The following GTF2IRD1 variants were observed in gnomAD, a reference collection of about 807,000 sequenced individuals.
The protein encoded by GTF2IRD1 is GTF2I repeat domain containing 1.
Under a neutral mutation model 113.2 loss-of-function variants are expected in GTF2IRD1, and 26 were observed. That is an observed-to-expected ratio of 0.23 (90% CI 0.17 to 0.32). GTF2IRD1 has a LOEUF of 0.32. GTF2IRD1 is among the 10% of genes least tolerant of loss of function. The pLI is 1.00. For synonymous variants in GTF2IRD1, 484 were observed against 529.1 expected (o/e 0.91, Z 1.17); for missense variants, 864 against 1,280.8 (o/e 0.67, Z 4.97).
At chr7:74,537,121 A>G (rs1245775724) in intron 11 of GTF2IRD1, among the ~76,000 whole-genome samples, 1 of 151,044 alleles carries the variant, frequency 6.6e-6, no homozygotes, top group African/African-American at 2.4e-5. Flanking sequence ...CAAAAATACA[A>G]ACATGCAGCT....
rs548581813 is a variant in GTF2IRD1, at chr7:74,486,597, C to T, written c.-6-21478C>T. Among the ~76,000 whole-genome samples, 4 of 152,170 alleles carry T rather than the reference C, an allele frequency of 2.6e-5. No homozygotes were observed. In the East Asian group the frequency reaches 7.7e-4, roughly 29 times the overall value. On this transcript the variant is annotated intron_variant, in intron 1 of 26. Coordinates refer to ENST00000424337, the MANE Select transcript of GTF2IRD1 (RefSeq NM_005685.4). ...ATGGGAGGATTTTGTGTTGTGGCCC[C>T]TACAGAAGAGGAGAGCAAGGGAGAA...
intron 3 of GTF2IRD1, among the ~76,000 whole-genome samples, chr7:74,513,237 G>T (rs1796736979): frequency 6.6e-6 from 1 of 152,224 alleles, no homozygotes; most frequent in East Asian, 1.9e-4. Flanking sequence ...GGCCAAGGCT[G>T]CTGCTCAGTT....
intron 1 of GTF2IRD1, among the ~76,000 whole-genome samples, chr7:74,462,707 C>T (rs1235914767): frequency 2.0e-5 from 3 of 152,220 alleles, no homozygotes; most frequent in Non-Finnish European, 4.4e-5. Context: ...GCCTGCACCC[C>T]ATCACTACCC....
Position 74,470,547 on chromosome 7 carries a change from A to G in GTF2IRD1, c.-7+16371A>G, listed in dbSNP as rs143075050. On this transcript the variant is annotated intron_variant, in intron 1 of 26. Coordinates refer to ENST00000424337, the MANE Select transcript of GTF2IRD1 (RefSeq NM_005685.4). ...ACTAGGTATTTACCTATGAGAAATG[A>G]AAGCTCAAATTCACATAAAAACCTA... 7.7e-3 allele frequency among the ~76,000 whole-genome samples: 1,172 copies of G among 152,302 alleles called. 13 individuals carry two copies. The highest frequency in any genetic ancestry group is 0.026 in the African/African-American group (1,086 of 41,548).
intron 1 of GTF2IRD1, among the ~76,000 whole-genome samples, chr7:74,457,643 C>T (rs1793073118): frequency 1.3e-5 from 2 of 152,138 alleles, no homozygotes; most frequent in South Asian, 4.1e-4. Context: ...ATGTCATCCT[C>T]TCTGTATCTC....
intron 22 of GTF2IRD1, among the ~76,000 whole-genome samples, chr7:74,585,110 GTTTTT>G (rs781982819): frequency 8.2e-6 from 1 of 121,960 alleles, no homozygotes. Context: ...CCTGTTTGGT[GTTTTT>G]TTTTTTTTTT....
intron 9 of GTF2IRD1, among the ~76,000 whole-genome samples, chr7:74,533,720 G>A (rs1554349513): frequency 6.6e-6 from 1 of 152,030 alleles, no homozygotes; most frequent in African/African-American, 2.4e-5. Context: ...GGGCCCCCTT[G>A]ATTTCTAAGA....
chr7:74,529,495 A>T (rs1250502420), intron 8 of GTF2IRD1, among the ~76,000 whole-genome samples: 1 of 152,124 alleles, frequency 6.6e-6, no homozygotes, highest in Non-Finnish European at 1.5e-5. Flanking sequence ...GGCTCAAGCC[A>T]TCTGTCCACC....
intron 25 of GTF2IRD1, among the ~76,000 whole-genome samples, chr7:74,595,305 C>T (rs1367700783): frequency 6.6e-6 from 1 of 151,432 alleles, no homozygotes; most frequent in East Asian, 1.9e-4. Flanking sequence ...ACTCAGGGGA[C>T]TGAGGCAGGA....
rs587603602 is a variant in GTF2IRD1 at position 74,524,939 on chromosome 7, A to T, written c.1090+785A>T. 1.4e-4 allele frequency among the ~76,000 whole-genome samples: 22 copies of T among 152,276 alleles called. No individual in the cohort carries two copies. In the South Asian group the frequency reaches 4.6e-3, roughly 32 times the overall value. On this transcript the variant is annotated intron_variant, in intron 8 of 26. Transcript: ENST00000424337. Reference sequence around the variant, plus strand: ...TGTGGTCTTAGCTACTTGCAGGCTGAGGTGGGAGGATTGCTTGAGTCCAGA... The same window carrying T: ...TGTGGTCTTAGCTACTTGCAGGCTGTGGTGGGAGGATTGCTTGAGTCCAGA...
rs11337115 is a variant in GTF2IRD1, at chr7:74,469,084, C to CA, written c.-7+14922dup. ...TGGACGACAGAGCGAGACTCCATCT[C>CA]AAAAAAAAAAAAAATATGGAAGGTA... On this transcript the variant is annotated intron_variant, in intron 1 of 26. Coordinates refer to ENST00000424337, the MANE Select transcript of GTF2IRD1 (RefSeq NM_005685.4). Among the ~76,000 whole-genome samples, 23 of 140,576 alleles carry CA rather than the reference C, an allele frequency of 1.6e-4. No homozygotes were observed. In the East Asian group the frequency reaches 1.9e-3, roughly 11 times the overall value. The allele number at this position is 140,576 out of a possible 152,430, so 92.2% of individuals were successfully genotyped here. A position where few individuals can be genotyped will look rare whatever the true frequency, so the allele number is the denominator to read the frequency against.
At position 74,538,802 on chromosome 7, in the gene GTF2IRD1, C is replaced by A. The variant is rs782575274; in HGVS notation, c.1528+42C>A. On this transcript the variant is annotated intron_variant, in intron 13 of 26. Coordinates refer to ENST00000424337, the MANE Select transcript of GTF2IRD1 (RefSeq NM_005685.4). ...TGACCACCCCCTGCAGAAATCAGGG[C>A]CGGACCGTTAGCCTCCTGAGGGTCT... The A allele has an allele frequency of 3.7e-6, 4 of 1,082,446 alleles. No individual in the cohort carries two copies. In the Admixed American group the frequency reaches 6.8e-5, roughly 18 times the overall value. The allele number at this position is 1,082,446 out of a possible 1,614,324, so 67.1% of individuals were successfully genotyped here.
At chr7:74,501,704 T>C (rs971154916) in intron 1 of GTF2IRD1, among the ~76,000 whole-genome samples, 15 of 152,122 alleles carry the variant, frequency 9.9e-5, no homozygotes, top group African/African-American at 3.6e-4. Flanking sequence ...CACACTGGAG[T>C]GCAGTGGCGT....
chr7:74,489,003 G>A (rs1795175902), intron 1 of GTF2IRD1, among the ~76,000 whole-genome samples: 1 of 151,878 alleles, frequency 6.6e-6, no homozygotes, highest in Non-Finnish European at 1.5e-5. Context: ...TTAGCCGGGT[G>A]TGGTGGTGGG....
chr7:74,490,116 A>G (rs55792820), intron 1 of GTF2IRD1, among the ~76,000 whole-genome samples: 41,419 of 151,840 alleles, frequency 0.27, 6,140 homozygotes, highest in Middle Eastern at 0.35. Flanking sequence ...ACAGGCACGC[A>G]CCACCACACC....
rs528901434 is a variant in GTF2IRD1, at chr7:74,504,798, C to T, written c.-6-3277C>T. On this transcript the variant is annotated intron_variant, in intron 1 of 26. Coordinates refer to ENST00000424337, the MANE Select transcript of GTF2IRD1 (RefSeq NM_005685.4). ...TCTCGGCTCACTGCAACCTCCACCGCCGGGGTTCCAGCGATTCTCCTGCCT... is the reference window on the plus strand; with the variant it reads ...TCTCGGCTCACTGCAACCTCCACCGTCGGGGTTCCAGCGATTCTCCTGCCT... Among the ~76,000 whole-genome samples, 10 of 151,238 alleles carry T rather than the reference C, an allele frequency of 6.6e-5. No individual in the cohort carries two copies. In the South Asian group the frequency reaches 2.1e-3, roughly 32 times the overall value.
At chr7:74,566,817 C>T (rs587665695) in intron 22 of GTF2IRD1, among the ~76,000 whole-genome samples, 3 of 152,222 alleles carry the variant, frequency 2.0e-5, no homozygotes, top group South Asian at 4.1e-4. Context: ...TATTATACTT[C>T]GGAACCCAGG....
intron 1 of GTF2IRD1, among the ~76,000 whole-genome samples, chr7:74,501,934 G>A (rs1796056782): frequency 6.6e-6 from 1 of 152,094 alleles, no homozygotes; most frequent in African/African-American, 2.4e-5. Flanking sequence ...TTACAGGTGT[G>A]AGCTACCGCG....
chr7:74,516,942 C>T (rs1020855392), intron 4 of GTF2IRD1, among the ~76,000 whole-genome samples: 6 of 152,144 alleles, frequency 3.9e-5, no homozygotes, highest in East Asian at 1.9e-4. Context: ...TCTGTGCCCC[C>T]GAGCCCCCAT....
Sources: gnomAD v4.1 joint callset for allele counts (sites outside exome capture counted in the v4.1 genomes callset) on GRCh38, gnomAD v4.1.1 for gene constraint, MANE v1.5 for transcripts, NCBI Gene and HGNC (gene_info 2026-07-23, HGNC 2026-07-21) for gene names.